Variants in MAP3K1 observed in about 807,000 individuals in gnomAD.
MAP3K1 encodes the protein MAP/ERK kinase kinase 1.
A neutral mutation model predicts 144.2 loss-of-function variants in MAP3K1; 36 were observed. That is an observed-to-expected ratio of 0.25 (90% CI 0.19 to 0.33). The LOEUF is 0.33. MAP3K1 is among the 10% of genes least tolerant of loss of function. MAP3K1 has a pLI of 1.00. For missense variants in MAP3K1, 1,650 were observed against 1,881.9 expected (o/e 0.88, Z 2.28); for synonymous variants, 718 against 688.7 (o/e 1.04, Z -0.67).
intron 1 of MAP3K1, among the ~76,000 whole-genome samples, chr5:56,847,172 C>T (rs16886420): frequency 0.059 from 8,924 of 152,244 alleles, 283 homozygotes; most frequent in East Asian, 0.12. Flanking sequence ...TAGCCCCTTT[C>T]GTTTGATGAT....
At chr5:56,868,907 A>G (rs999546881) in intron 6 of MAP3K1, among the ~76,000 whole-genome samples, 2 of 152,152 alleles carry the variant, frequency 1.3e-5, no homozygotes, top group Non-Finnish European at 1.5e-5. Context: ...GTGCTACAAC[A>G]TGGATGAACC....
intron 15 of MAP3K1, 107 bp from the exon 16 acceptor site, chr5:56,884,557 A>G (rs1748322136): frequency 1.7e-5 from 17 of 1,018,328 alleles, no homozygotes; most frequent in Non-Finnish European, 1.7e-5. Context: ...ATCCATAAGC[A>G]TAAATGCCAT....
rs540060133 is a variant in MAP3K1 at position 56,876,571 on chromosome 5, G to A, written c.1965+1261G>A. On this transcript the variant is annotated intron_variant, in intron 10 of 19. Transcript: ENST00000399503. ...ACCACAATGCTTGCATAATGTGCTG[G>A]TTAAAGTTGGACTAGCCTAGGCAAT... Among the ~76,000 whole-genome samples, 6 of 152,244 alleles carry A rather than the reference G, an allele frequency of 3.9e-5. No individual in the cohort carries two copies. In the South Asian group the frequency reaches 1.2e-3, roughly 32 times the overall value.
At chr5:56,837,936 A>G (rs1746703663) in intron 1 of MAP3K1, among the ~76,000 whole-genome samples, 1 of 152,126 alleles carries the variant, frequency 6.6e-6, no homozygotes, top group African/African-American at 2.4e-5. Context: ...CTCCAAGGGG[A>G]CCCTAGAGCT....
At chr5:56,886,136 GCTCA>G (rs1359667392) in intron 17 of MAP3K1, 73 bp downstream of exon 17, 2 of 1,206,448 alleles carry the variant, frequency 1.7e-6, no homozygotes, top group Non-Finnish European at 2.4e-6. Context: ...AGGCACAGTG[GCTCA>G]CACCTGTAAT....
At position 56,872,723 on chromosome 5, in the gene MAP3K1, GTAA is replaced by G; in HGVS notation, c.1505+6_1505+8del. 1 of 1,599,894 alleles carries G rather than the reference GTAA, an allele frequency of 6.3e-7. No individual in the cohort carries two copies. The highest frequency in any genetic ancestry group is 1.1e-5 in the South Asian group (1 of 90,730). On this transcript the variant is annotated splice_donor_variant and splice_donor_region_variant and intron_variant, in intron 8 of 19. Coordinates refer to ENST00000399503, the MANE Select transcript of MAP3K1 (RefSeq NM_005921.2). LOFTEE classifies it high-confidence loss of function. ...AGTGGAGATCTCATGATTTCTACAG[GTAA>G]TAATTTTGAAATGATACGGATATGT...
At position 56,864,950 on chromosome 5, in the gene MAP3K1, A is replaced by AT; in HGVS notation, c.1035+20dup. 6.2e-7 allele frequency: 1 copy of AT among 1,611,974 alleles called. No individual in the cohort carries two copies. Among genetic ancestry groups the AT allele is most frequent in the South Asian group, 1.1e-5 (1 of 91,038 alleles). On this transcript the variant is annotated intron_variant, in intron 4 of 19. Transcript: ENST00000399503. ...TGGGCCTCAGGTAGGATTCGTCACCATTTTATACTTTATTAGTAGTAGTAT... is the reference window on the plus strand; with the variant it reads ...TGGGCCTCAGGTAGGATTCGTCACCATTTTTATACTTTATTAGTAGTAGTAT...
In MAP3K1 at chr5:56,844,760, C is replaced by T. The variant is rs536523148; in HGVS notation, c.483-11840C>T. Among the ~76,000 whole-genome samples, 7 of 152,276 alleles carry T rather than the reference C, an allele frequency of 4.6e-5. No homozygotes were observed. In the East Asian group the frequency reaches 9.6e-4, roughly 21 times the overall value. On this transcript the variant is annotated intron_variant, in intron 1 of 19. Coordinates refer to ENST00000399503, the MANE Select transcript of MAP3K1 (RefSeq NM_005921.2). ...CACAGACCCTGTTTTATTTATCTTT[C>T]GTTTTTTAATTTTTCTTCTTTGCTG...
At position 56,879,106 on chromosome 5, in the gene MAP3K1, G is replaced by T; in HGVS notation, c.2087+5G>T. 1 of 1,613,862 alleles carries T rather than the reference G, an allele frequency of 6.2e-7. No homozygotes were observed. Among genetic ancestry groups the T allele is most frequent in the South Asian group, 1.1e-5 (1 of 91,092 alleles). The stretch of plus-strand genomic sequence containing the variant: ...CAAATGTGCAGATGCCAATAGGTAA[G>T]GCTTTATTGATGAATCACTTCAAAC... On this transcript the variant is annotated splice_donor_5th_base_variant and intron_variant, in intron 11 of 19. Coordinates refer to ENST00000399503, the MANE Select transcript of MAP3K1 (RefSeq NM_005921.2).
At chr5:56,846,258 T>G (rs1466491655) in intron 1 of MAP3K1, among the ~76,000 whole-genome samples, 1 of 152,232 alleles carries the variant, frequency 6.6e-6, no homozygotes, top group Non-Finnish European at 1.5e-5. Context: ...ACCCACATAT[T>G]ATAGTTCATA....
At chr5:56,884,082 G>A (rs1342405966) in intron 15 of MAP3K1, among the ~76,000 whole-genome samples, 4 of 152,180 alleles carry the variant, frequency 2.6e-5, no homozygotes, top group Non-Finnish European at 5.9e-5. Context: ...TCAGGAGGTA[G>A]AGGTTGCAGT....
chr5:56,846,826 T>C (rs1026085597), intron 1 of MAP3K1, among the ~76,000 whole-genome samples: 5 of 152,252 alleles, frequency 3.3e-5, no homozygotes, highest in Non-Finnish European at 7.3e-5. Context: ...AATTTGTTGA[T>C]TTTTCTGTTC....
At chr5:56,891,757 A>G (rs937088521) in intron 19 of MAP3K1, among the ~76,000 whole-genome samples, 1 of 152,216 alleles carries the variant, frequency 6.6e-6, no homozygotes, top group Non-Finnish European at 1.5e-5. Context: ...ACATATGGCT[A>G]GCCAGTTTTC....
At position 56,895,081 on chromosome 5, in the gene MAP3K1, T is replaced by G; in HGVS notation, c.*1401T>G. Reference sequence around the variant, plus strand: ...TTCAGAAGCCAGTGTGAAATAGAATTGGTTATTCTCAAAGACTCAGGATAA... The same window carrying G: ...TTCAGAAGCCAGTGTGAAATAGAATGGGTTATTCTCAAAGACTCAGGATAA... On this transcript the variant is annotated 3_prime_UTR_variant, in exon 20 of 20. Transcript: ENST00000399503. The G allele has an allele frequency of 4.3e-6, 1 of 231,642 alleles. No individual in the cohort carries two copies. Among genetic ancestry groups the G allele is most frequent in the Non-Finnish European group, 8.5e-6 (1 of 117,070 alleles). The allele number at this position is 231,642 out of a possible 1,614,324, so 14.3% of individuals were successfully genotyped here.
chr5:56,869,600 T>C (rs1189945228), intron 6 of MAP3K1, among the ~76,000 whole-genome samples: 7 of 152,144 alleles, frequency 4.6e-5, no homozygotes, highest in Non-Finnish European at 8.8e-5. Flanking sequence ...GCTTACAAAA[T>C]ATGTACTTGG....
chr5:56,817,971 T>C (rs866068593), intron 1 of MAP3K1, among the ~76,000 whole-genome samples: 4 of 152,312 alleles, frequency 2.6e-5, no homozygotes, highest in East Asian at 1.9e-4. Flanking sequence ...CGAGGTTTTT[T>C]CCCCTTTGCT....
At chr5:56,856,449 C>A in intron 1 of MAP3K1, 151 bp from the exon 2 acceptor site, 1 of 674,012 alleles carries the variant, frequency 1.5e-6, no homozygotes, top group South Asian at 1.8e-5. Context: ...AGAATCTTTT[C>A]AAGCTTTAAG....
intron 15 of MAP3K1, 62 bp downstream of exon 15, chr5:56,883,741 A>G: frequency 6.5e-7 from 1 of 1,545,366 alleles, no homozygotes; most frequent in Non-Finnish European, 8.9e-7. Flanking sequence ...CATGTTCAGT[A>G]AAAAGAATAA....
At chr5:56,865,752 A>G in intron 5 of MAP3K1, 77 bp from the exon 6 acceptor site, 1 of 1,441,984 alleles carries the variant, frequency 6.9e-7, no homozygotes, top group Non-Finnish European at 9.8e-7. Flanking sequence ...TTAAAGATAA[A>G]TAATTCAGCC....
Sources: gnomAD v4.1 joint callset for allele counts (sites outside exome capture counted in the v4.1 genomes callset) on GRCh38, gnomAD v4.1.1 for gene constraint, MANE v1.5 for transcripts, NCBI Gene and HGNC (gene_info 2026-07-23, HGNC 2026-07-21) for gene names.